Variants in CDHR1 observed in about 807,000 individuals in gnomAD.
CDHR1 encodes cadherin-related family member 1.
Under a neutral mutation model 72.1 loss-of-function variants are expected in CDHR1, and 61 were observed. That is an observed-to-expected ratio of 0.85 (90% CI 0.69 to 1.05). CDHR1 has a LOEUF of 1.05. CDHR1 is among the 50% of genes least tolerant of loss of function. The pLI is 0.00. For missense variants in CDHR1, 1,186 were observed against 1,115.7 expected (o/e 1.06, Z -0.90); for synonymous variants, 470 against 448.1 (o/e 1.05, Z -0.62).
downstream of CDHR1, chr10:84,219,222 G>A (rs1842472783): frequency 1.9e-6 from 3 of 1,550,738 alleles, no homozygotes; most frequent in Non-Finnish European, 1.7e-6. Context: ...TATTCAATCT[G>A]AGTAATGTGA....
intron 5 of CDHR1, among the ~76,000 whole-genome samples, chr10:84,199,967 G>T (rs1217313501): frequency 4.6e-5 from 7 of 152,200 alleles, no homozygotes; most frequent in Non-Finnish European, 7.3e-5. Context: ...GAGGTCAGGA[G>T]TTCGAGACCA....
In CDHR1 at chr10:84,217,631, G is replaced by A. The variant is rs1842445909; in HGVS notation, c.*3010G>A. On this transcript the variant is annotated 3_prime_UTR_variant, in exon 17 of 17. Coordinates refer to ENST00000623527, the MANE Select transcript of CDHR1 (RefSeq NM_033100.4). ...TGTATCTACTTACACAAGCTCAGTA[G>A]ACACTTGCCGTGACTGTGGCCCACA... The A allele has an allele frequency of 2.0e-6, 2 of 985,450 alleles. No homozygotes were observed. The highest frequency in any genetic ancestry group is 2.4e-6 in the Non-Finnish European group (2 of 829,950). The allele number at this position is 985,450 out of a possible 1,614,324, so 61.0% of individuals were successfully genotyped here.
intron 12 of CDHR1, 145 bp downstream of exon 12, chr10:84,209,026 G>A (rs1842282365): frequency 2.2e-6 from 2 of 925,038 alleles, no homozygotes; most frequent in East Asian, 2.6e-5. Context: ...TGCCCCTCCT[G>A]CAGATTGCTC....
At chr10:84,203,291 T>A (rs937320202) in intron 8 of CDHR1, among the ~76,000 whole-genome samples, 168 bp downstream of exon 8, 1 of 152,240 alleles carries the variant, frequency 6.6e-6, no homozygotes, top group African/African-American at 2.4e-5. Context: ...CTGGCCCTTT[T>A]GCCCCCAACT....
intron 12 of CDHR1, 61 bp downstream of exon 12, chr10:84,208,942 T>A: frequency 6.4e-7 from 1 of 1,552,136 alleles, no homozygotes; most frequent in Non-Finnish European, 8.8e-7. Flanking sequence ...CATACCAGCA[T>A]CTTGGTTCAT....
At chr10:84,199,168 T>C (rs1842080304) in intron 5 of CDHR1, 47 bp downstream of exon 5, 4 of 1,481,558 alleles carry the variant, frequency 2.7e-6, no homozygotes, top group Non-Finnish European at 3.7e-6. Context: ...CCCAGGCCCA[T>C]AGCCTACCCC....
chr10:84,218,724 G>C (rs1470679043), downstream of CDHR1: 1 of 993,842 alleles, frequency 1.0e-6, no homozygotes, highest in Non-Finnish European at 1.2e-6. Context: ...TTTTCAACAT[G>C]AATTAAACAG....
At chr10:84,212,547 T>C in intron 15 of CDHR1, 140 bp downstream of exon 15, 1 of 696,172 alleles carries the variant, frequency 1.4e-6, no homozygotes, top group Non-Finnish European at 2.6e-6. Flanking sequence ...ATTTTGTATA[T>C]CCCCATCCCC....
In CDHR1 at chr10:84,200,697, G is replaced by C; in HGVS notation, c.525+10G>C. 6.2e-7 allele frequency: 1 copy of C among 1,600,304 alleles called. No individual in the cohort carries two copies. The highest frequency in any genetic ancestry group is 1.1e-5 in the South Asian group (1 of 88,982). ...CACCTACTTCCTGCAGGTAAGGCAG[G>C]ACACACAGGACCTAACCTGGGGCTG... is the stretch of plus-strand genomic sequence containing the variant. On this transcript the variant is annotated intron_variant, in intron 6 of 16. Coordinates refer to ENST00000623527, the MANE Select transcript of CDHR1 (RefSeq NM_033100.4).
At chr10:84,196,853 A>G (rs1334733327) in intron 3 of CDHR1, among the ~76,000 whole-genome samples, 1 of 152,128 alleles carries the variant, frequency 6.6e-6, no homozygotes, top group African/African-American at 2.4e-5. Flanking sequence ...CCTCCTTCAC[A>G]CAGAGCGAAG....
chr10:84,217,069 G>A lies in CDHR1; in HGVS notation c.*2448G>A, dbSNP rs921664022. The A allele has an allele frequency of 1.0e-6, 1 of 985,612 alleles. No homozygotes were observed. The highest frequency in any genetic ancestry group is 1.7e-5 in the African/African-American group (1 of 57,248). The allele number at this position is 985,612 out of a possible 1,614,324, so 61.1% of individuals were successfully genotyped here. ...GGGAAGTGCCCGGTAGCCAGCATGAGCCACACTAGGAAAGAGGAGGAGGGT... is the reference window on the plus strand; with the variant it reads ...GGGAAGTGCCCGGTAGCCAGCATGAACCACACTAGGAAAGAGGAGGAGGGT... On this transcript the variant is annotated 3_prime_UTR_variant, in exon 17 of 17. Transcript: ENST00000623527.
At position 84,212,221 on chromosome 10, in the gene CDHR1, C is replaced by A; in HGVS notation, c.1596C>A (p.Pro532=). ...CCACTGGGCTTATCTACACCCAGCC[C>A]TGGGCTAGCCTGGACGCTGAGGCCA... ...HPSTGLIYTQ[P]WASLDAEATA... is the part of the protein sequence containing the mutation. The change falls in exon 15 of 17, where the codon CCC becomes CCA. Residue 532 remains proline (P), a synonymous_variant. Coordinates refer to ENST00000623527, the MANE Select transcript of CDHR1 (RefSeq NM_033100.4). 1 of 1,614,258 alleles carries A rather than the reference C, an allele frequency of 6.2e-7. No homozygotes were observed. Among genetic ancestry groups the A allele is most frequent in the South Asian group, 1.1e-5 (1 of 91,090 alleles).
At chr10:84,200,754 T>C (rs997515847) in intron 6 of CDHR1, 67 bp downstream of exon 6, 1 of 1,116,638 alleles carries the variant, frequency 9.0e-7, no homozygotes, top group Non-Finnish European at 1.3e-6. Context: ...GGCCCCTACC[T>C]CCATCGCCCC....
At chr10:84,211,444 A>G (rs1842330051) in intron 13 of CDHR1, among the ~76,000 whole-genome samples, 1 of 152,160 alleles carries the variant, frequency 6.6e-6, no homozygotes, top group South Asian at 2.1e-4. Flanking sequence ...TGTTTTCCAG[A>G]TCTAAATCTC....
intron 4 of CDHR1, 141 bp downstream of exon 4, chr10:84,197,977 T>G (rs542823648): frequency 1.3e-6 from 1 of 785,702 alleles, no homozygotes; most frequent in Non-Finnish European, 2.2e-6. Context: ...CTGCCCAAAG[T>G]GCCCACAGGA....
chr10:84,204,477 G>T, intron 8 of CDHR1, 50 bp from the exon 9 acceptor site: 1 of 1,275,382 alleles, frequency 7.8e-7, no homozygotes, highest in Non-Finnish European at 1.1e-6. Context: ...TTGGGGAGGG[G>T]AGGGTCCCCA....
intron 2 of CDHR1, among the ~76,000 whole-genome samples, chr10:84,195,876 T>A (rs1292156581): frequency 6.6e-6 from 1 of 152,166 alleles, no homozygotes; most frequent in Non-Finnish European, 1.5e-5. Flanking sequence ...ACAAATGTAT[T>A]TACCTCCCTG....
intron 11 of CDHR1, 126 bp from the exon 12 acceptor site, chr10:84,208,603 G>C: frequency 1.8e-6 from 2 of 1,125,396 alleles, no homozygotes; most frequent in Admixed American, 2.0e-5. Context: ...ACAAGGAAAA[G>C]TCAGATGCAG....
At chr10:84,200,822 G>A in intron 6 of CDHR1, 135 bp downstream of exon 6, 1 of 693,440 alleles carries the variant, frequency 1.4e-6, no homozygotes, top group Non-Finnish European at 2.6e-6. Context: ...GTTGGGATGG[G>A]CAGGAGGGGA....
Sources: allele counts gnomAD v4.1 joint callset (sites outside exome capture counted in the v4.1 genomes callset), GRCh38; gene constraint gnomAD v4.1.1; transcripts MANE v1.5; gene names NCBI Gene and HGNC (gene_info 2026-07-23, HGNC 2026-07-21).